The following NRIP1 variants were observed in gnomAD, a reference collection of about 807,000 sequenced individuals.
NRIP1 encodes nuclear receptor interacting protein 1.
A neutral mutation model predicts 75.0 loss-of-function variants in NRIP1; 28 were observed. The ratio of observed to expected loss-of-function variants is 0.37; its 90% CI spans 0.28 to 0.51. The LOEUF is 0.51. Ranked by LOEUF, NRIP1 falls within the 20% of genes least tolerant of loss-of-function variation. The pLI is 0.92. For missense variants in NRIP1, 1,435 were observed against 1,343.7 expected (o/e 1.07, Z -1.06); for synonymous variants, 526 against 487.6 (o/e 1.08, Z -1.04).
In NRIP1 at chr21:15,052,693, T is replaced by C. The variant is rs556784181; in HGVS notation, c.-537-9119A>G. On this transcript the variant is annotated intron_variant, in intron 1 of 3. Transcript: ENST00000318948. ...CGTCTTTTTTACACCTATATGCATA[T>C]GAATTGCTGCTCACATTTACCAGAA... Among the ~76,000 whole-genome samples, 25 of 152,328 alleles carry C rather than the reference T, an allele frequency of 1.6e-4. No individual in the cohort carries two copies. In the South Asian group the frequency reaches 4.3e-3, roughly 27 times the overall value.
intron 2 of NRIP1, among the ~76,000 whole-genome samples, chr21:15,014,762 C>T (rs185031511): frequency 3.1e-4 from 47 of 151,274 alleles, no homozygotes; most frequent in African/African-American, 1.1e-3. Context: ...AATTTCTTAG[C>T]GTGCTGTGCT....
At chr21:15,038,660 A>C (rs2088886406) in intron 2 of NRIP1, among the ~76,000 whole-genome samples, 1 of 152,124 alleles carries the variant, frequency 6.6e-6, no homozygotes, top group Non-Finnish European at 1.5e-5. Flanking sequence ...TTTGATGAAA[A>C]AAACTACTTT....
At chr21:14,988,125 ACT>A (rs968946725) in intron 3 of NRIP1, 2 of 152,038 alleles carry the variant, frequency 1.3e-5, no homozygotes, top group African/African-American at 4.8e-5. Context: ...TGGATTCCTG[ACT>A]CTGCTATTCA....
At chr21:14,973,461 A>G (rs558614697) in intron 3 of NRIP1, among the ~76,000 whole-genome samples, 3 of 152,286 alleles carry the variant, frequency 2.0e-5, no homozygotes, top group African/African-American at 7.2e-5. Context: ...ATGCATATAT[A>G]CAACGAGAAA....
At chr21:15,052,653 A>G (rs1346788606) in intron 1 of NRIP1, among the ~76,000 whole-genome samples, 3 of 152,214 alleles carry the variant, frequency 2.0e-5, no homozygotes, top group African/African-American at 4.8e-5. Context: ...TTCACGCAGC[A>G]TATCTTTTCA....
At position 15,040,667 on chromosome 21, in the gene NRIP1, A is replaced by G. The variant is rs527821201; in HGVS notation, c.-458+2828T>C. 5.9e-5 allele frequency among the ~76,000 whole-genome samples: 9 copies of G among 152,230 alleles called. 1 individual carries two copies. Among genetic ancestry groups the G allele is most frequent in the Middle Eastern group, 6.8e-3 (2 of 294 alleles). On this transcript the variant is annotated intron_variant, in intron 2 of 3. Coordinates refer to ENST00000318948, the MANE Select transcript of NRIP1 (RefSeq NM_003489.4). Reference sequence around the variant, plus strand: ...AAAATCCACTTTCAGTATTTCAATCATACGATCATAAGTACATAGAGGAGG... The same window carrying G: ...AAAATCCACTTTCAGTATTTCAATCGTACGATCATAAGTACATAGAGGAGG...
In NRIP1 at chr21:14,966,045, G is replaced by C. The variant is rs185987444; in HGVS notation, c.2148C>G (p.Leu716=). The C allele has an allele frequency of 6.2e-7, 1 of 1,612,564 alleles. No homozygotes were observed. The highest frequency in any genetic ancestry group is 8.5e-7 in the Non-Finnish European group (1 of 1,179,822). Residue 716 remains leucine (L), a synonymous_variant, in exon 4 of 4, where the codon CTC becomes CTG. Coordinates refer to ENST00000318948, the MANE Select transcript of NRIP1 (RefSeq NM_003489.4). ...LLERRTVLQL[L]LGNPNKGKSE... The stretch of plus-strand genomic sequence containing the variant: ...TCTTCCCTTTGTTGGGGTTCCCCAG[G>C]AGCAACTGGAGGACAGTACGTCTTT...
Position 15,049,694 on chromosome 21 carries a change from C to A in NRIP1, c.-537-6120G>T, listed in dbSNP as rs889572913. 1.2e-4 allele frequency among the ~76,000 whole-genome samples: 18 copies of A among 152,188 alleles called. 1 individual carries two copies. Among genetic ancestry groups the A allele is most frequent in the Non-Finnish European group, 2.6e-4 (18 of 67,954 alleles). Reference sequence around the variant, plus strand: ...CACATTAAATTAGGTAAATCTCTCACATTTAATTTACTATCCAAGCACTTT... The same window carrying A: ...CACATTAAATTAGGTAAATCTCTCAAATTTAATTTACTATCCAAGCACTTT... On this transcript the variant is annotated intron_variant, in intron 1 of 3. Coordinates refer to ENST00000318948, the MANE Select transcript of NRIP1 (RefSeq NM_003489.4).
chr21:15,029,829 T>C lies in NRIP1; in HGVS notation c.-458+13666A>G, dbSNP rs79415571. Among the ~76,000 whole-genome samples, 14 of 17,682 alleles carry C rather than the reference T, an allele frequency of 7.9e-4. 1 individual carries two copies. The highest frequency in any genetic ancestry group is 2.7e-3 in the South Asian group (3 of 1,092). 11.6% of individuals were successfully genotyped at this position (17,682 alleles called of 152,430 possible). A position where few individuals can be genotyped will look rare whatever the true frequency, so the allele number is the denominator to read the frequency against. ...CCTGTCTCCAATAAAGGAAAACAAA[T>C]AAATAAATAAATAAATAATAAACAT... On this transcript the variant is annotated intron_variant, in intron 2 of 3. Coordinates refer to ENST00000318948, the MANE Select transcript of NRIP1 (RefSeq NM_003489.4).
chr21:15,028,551 G>T (rs1471658862), intron 2 of NRIP1, among the ~76,000 whole-genome samples: 2 of 152,152 alleles, frequency 1.3e-5, no homozygotes, highest in African/African-American at 4.8e-5. Context: ...GTTTGGGGCT[G>T]AAAAATCAGG....
intron 3 of NRIP1, among the ~76,000 whole-genome samples, chr21:14,990,120 G>A (rs896057680): frequency 6.6e-6 from 1 of 152,152 alleles, no homozygotes; most frequent in Non-Finnish European, 1.5e-5. Flanking sequence ...AGTGGGTTCA[G>A]TCACGATTCT....
At chr21:15,031,353 C>T (rs111280765) in intron 2 of NRIP1, among the ~76,000 whole-genome samples, 35 of 140,254 alleles carry the variant, frequency 2.5e-4, no homozygotes, top group African/African-American at 7.6e-4. Context: ...GGAGGATCAC[C>T]ACATTCCCTT....
At chr21:15,059,032 C>T (rs2089366870) in intron 1 of NRIP1, among the ~76,000 whole-genome samples, 1 of 152,202 alleles carries the variant, frequency 6.6e-6, no homozygotes, top group African/African-American at 2.4e-5. Flanking sequence ...CAAGGAGTAG[C>T]TCTATCACTT....
chr21:15,028,989 CGA>C (rs1055707295), intron 2 of NRIP1, among the ~76,000 whole-genome samples: 16 of 151,910 alleles, frequency 1.1e-4, no homozygotes, highest in Non-Finnish European at 1.3e-4. Context: ...GGCTGCCATC[CGA>C]GATGCCTCTC....
chr21:14,978,027 GGACTTAATTTT>G (rs2087123384), intron 3 of NRIP1, among the ~76,000 whole-genome samples: 1 of 152,176 alleles, frequency 6.6e-6, no homozygotes, highest in Non-Finnish European at 1.5e-5. Flanking sequence ...GCAACCTGAA[GGACTTAATTTT>G]TTGGCCCAAG....
chr21:14,976,518 C>CAGTT (rs1335756545), intron 3 of NRIP1, among the ~76,000 whole-genome samples: 1 of 152,042 alleles, frequency 6.6e-6, no homozygotes, highest in African/African-American at 2.4e-5. Context: ...AAATAAAAGA[C>CAGTT]AGTAGTAAAT....
rs1248169289 is a variant in NRIP1 at position 14,963,299 on chromosome 21, T to A, written c.*1417A>T. Reference sequence around the variant, plus strand: ...GCATTCAGGAGAAGTTTCCAAACCATCCTGGAATCACCTGAGTTTGGTAAG... The same window carrying A: ...GCATTCAGGAGAAGTTTCCAAACCAACCTGGAATCACCTGAGTTTGGTAAG... On this transcript the variant is annotated 3_prime_UTR_variant, in exon 4 of 4. Coordinates refer to ENST00000318948, the MANE Select transcript of NRIP1 (RefSeq NM_003489.4). The A allele has an allele frequency of 2.0e-5, 3 of 152,486 alleles. No individual in the cohort carries two copies. Among genetic ancestry groups the A allele is most frequent in the Non-Finnish European group, 4.4e-5 (3 of 67,952 alleles). The allele number at this position is 152,486 out of a possible 1,614,324, so 9.4% of individuals were successfully genotyped here.
At chr21:15,055,728 A>C (rs2147392895) in intron 1 of NRIP1, among the ~76,000 whole-genome samples, 1 of 152,348 alleles carries the variant, frequency 6.6e-6, no homozygotes, top group African/African-American at 2.4e-5. Flanking sequence ...AGTGTGAAAT[A>C]AATCAAGATT....
At chr21:14,980,157 C>A (rs962439784) in intron 3 of NRIP1, among the ~76,000 whole-genome samples, 34 of 151,908 alleles carry the variant, frequency 2.2e-4, no homozygotes, top group Admixed American at 1.4e-3. Flanking sequence ...TCAACAATGA[C>A]AAAAACAAAA....
Sources: gnomAD v4.1 joint callset for allele counts (sites outside exome capture counted in the v4.1 genomes callset) on GRCh38, gnomAD v4.1.1 for gene constraint, MANE v1.5 for transcripts, NCBI Gene and HGNC (gene_info 2026-07-23, HGNC 2026-07-21) for gene names.